KCNB2: variants seen among roughly 807,000 people sequenced by gnomAD.
KCNB2 encodes the protein delayed rectifier potassium channel protein.
A neutral mutation model predicts 61.5 loss-of-function variants in KCNB2; 15 were observed. The observed-to-expected ratio is 0.24, with a 90% CI of 0.16 to 0.38. The LOEUF is 0.38. Ranked by LOEUF, KCNB2 falls within the 10% of genes least tolerant of loss-of-function variation. The probability of loss-of-function intolerance (pLI) is 1.00; values close to 1 mark genes in which losing one functional copy is unlikely to be tolerated. For missense variants in KCNB2, 828 were observed against 1,125.2 expected (o/e 0.74, Z 3.78); for synonymous variants, 457 against 446.0 (o/e 1.02, Z -0.31).
Position 72,772,009 on chromosome 8 carries a change from T to G in KCNB2, c.580-163926T>G, listed in dbSNP as rs1443186452. Among the ~76,000 whole-genome samples, 2 of 151,250 alleles carry G rather than the reference T, an allele frequency of 1.3e-5. 1 individual carries two copies. The highest frequency in any genetic ancestry group is 4.9e-5 in the African/African-American group (2 of 41,088). ...CTCAGGACTTCAGTTGCTGAAGGAG[T>G]CAGGAAGAAAGCTAAGACCACAGTT... On this transcript the variant is annotated intron_variant, in intron 2 of 2. Coordinates refer to ENST00000523207, the MANE Select transcript of KCNB2 (RefSeq NM_004770.3).
intron 1 of KCNB2, among the ~76,000 whole-genome samples, chr8:72,559,762 T>C (rs1806484839): frequency 6.6e-6 from 1 of 152,148 alleles, no homozygotes; most frequent in Non-Finnish European, 1.5e-5. Flanking sequence ...GACATGGGGA[T>C]AGATTAAGAA....
At position 72,738,451 on chromosome 8, in the gene KCNB2, G is replaced by A. The variant is rs535868301; in HGVS notation, c.579+170138G>A. On this transcript the variant is annotated intron_variant, in intron 2 of 2. Transcript: ENST00000523207. The stretch of plus-strand genomic sequence containing the variant: ...ATTGTTTCCTGATGCTTAAAGGACT[G>A]TTGTCTAAGTTGTCTTCTAAGATAG... Among the ~76,000 whole-genome samples, 176 of 152,278 alleles carry A rather than the reference G, an allele frequency of 1.2e-3. 1 individual carries two copies. The highest frequency in any genetic ancestry group is 3.3e-3 in the South Asian group (16 of 4,822).
intron 2 of KCNB2, among the ~76,000 whole-genome samples, chr8:72,697,815 C>G (rs1343311044): frequency 6.6e-6 from 1 of 152,060 alleles, no homozygotes; most frequent in Non-Finnish European, 1.5e-5. Context: ...CAGTTTCTTT[C>G]AATAAATTCC....
At chr8:72,570,234 A>T (rs892591160) in intron 2 of KCNB2, among the ~76,000 whole-genome samples, 5 of 152,014 alleles carry the variant, frequency 3.3e-5, no homozygotes, top group Admixed American at 1.3e-4. Flanking sequence ...CTGCCTACAA[A>T]CTCTACCCAG....
intron 2 of KCNB2, chr8:72,661,345 T>C (rs1806377755): frequency 6.6e-6 from 1 of 152,202 alleles, no homozygotes; most frequent in South Asian, 2.1e-4. Flanking sequence ...GCCATATCAA[T>C]TGTTTTCTTC....
intron 2 of KCNB2, among the ~76,000 whole-genome samples, chr8:72,855,057 C>G (rs1810184845): frequency 6.6e-6 from 1 of 152,182 alleles, no homozygotes; most frequent in Non-Finnish European, 1.5e-5. Context: ...GCACTCTGTC[C>G]TCCACACACC....
chr8:72,549,217 C>T (rs958473770), intron 1 of KCNB2, among the ~76,000 whole-genome samples: 1 of 152,136 alleles, frequency 6.6e-6, no homozygotes, highest in African/African-American at 2.4e-5. Context: ...CTTCTATATC[C>T]CTTTCCTTGC....
intron 2 of KCNB2, among the ~76,000 whole-genome samples, chr8:72,676,768 C>T (rs1031366678): frequency 1.3e-5 from 2 of 152,038 alleles, no homozygotes; most frequent in African/African-American, 2.4e-5. Context: ...CCTTGTATTT[C>T]GTTGAGGAAA....
At chr8:72,646,974 T>A (rs1806138988) in intron 2 of KCNB2, among the ~76,000 whole-genome samples, 1 of 152,160 alleles carries the variant, frequency 6.6e-6, no homozygotes, top group Non-Finnish European at 1.5e-5. Context: ...AAAAAGAGGT[T>A]AAGTAACCTC....
Position 72,935,967 on chromosome 8 carries a change from G to A in KCNB2, c.612G>A (p.Val204=). ...ILAIVSILFI[V]LSTIALSLNT... ...CCATCGTGTCTATCCTGTTCATTGTGCTTTCCACCATTGCTTTGTCTCTCA... is the reference window on the plus strand; with the variant it reads ...CCATCGTGTCTATCCTGTTCATTGTACTTTCCACCATTGCTTTGTCTCTCA... Residue 204 remains valine, a synonymous_variant, in exon 3 of 3, where the codon GTG becomes GTA. Transcript: ENST00000523207. 6.2e-7 allele frequency: 1 copy of A among 1,614,078 alleles called. No homozygotes were observed. Among genetic ancestry groups the A allele is most frequent in the Non-Finnish European group, 8.5e-7 (1 of 1,179,970 alleles).
chr8:72,607,120 C>T (rs944925376), intron 2 of KCNB2, among the ~76,000 whole-genome samples: 3 of 152,100 alleles, frequency 2.0e-5, no homozygotes, highest in Non-Finnish European at 4.4e-5. Flanking sequence ...GCCGATGTCT[C>T]CTGGGTTCCG....
intron 2 of KCNB2, among the ~76,000 whole-genome samples, chr8:72,587,564 T>C (rs989187864): frequency 2.6e-5 from 4 of 151,938 alleles, no homozygotes; most frequent in African/African-American, 9.7e-5. Context: ...GTGGGCTGTA[T>C]AAGAAAAATA....
intron 2 of KCNB2, among the ~76,000 whole-genome samples, chr8:72,843,864 C>T (rs2129002801): frequency 6.6e-6 from 1 of 152,266 alleles, no homozygotes; most frequent in Non-Finnish European, 1.5e-5. Context: ...GAATACAGCA[C>T]ACCAATGGGT....
chr8:72,611,170 A>G (rs1377547718), intron 2 of KCNB2, among the ~76,000 whole-genome samples: 1 of 152,214 alleles, frequency 6.6e-6, no homozygotes, highest in African/African-American at 2.4e-5. Flanking sequence ...TTTAATCCTC[A>G]GAATGTTATT....
At chr8:72,902,780 C>CA (rs1306582508) in intron 2 of KCNB2, among the ~76,000 whole-genome samples, 1 of 152,208 alleles carries the variant, frequency 6.6e-6, no homozygotes, top group African/African-American at 2.4e-5. Context: ...GTATTACTGA[C>CA]TTGTTCTGTG....
chr8:72,920,463 ATCTATC>A (rs1806494907), intron 2 of KCNB2, among the ~76,000 whole-genome samples: 1 of 84,400 alleles, frequency 1.2e-5, no homozygotes, highest in Admixed American at 1.1e-4. Flanking sequence ...CTATCTATCT[ATCTATC>A]TATCTATATA....
chr8:72,558,955 C>A (rs1013502034), intron 1 of KCNB2, among the ~76,000 whole-genome samples: 1 of 151,720 alleles, frequency 6.6e-6, no homozygotes, highest in African/African-American at 2.4e-5. Context: ...TTCCCTGTTC[C>A]CTGTGGCAGA....
chr8:72,588,772 T>C (rs1368533039), intron 2 of KCNB2, among the ~76,000 whole-genome samples: 6 of 151,992 alleles, frequency 3.9e-5, no homozygotes, highest in South Asian at 4.1e-4. Flanking sequence ...TTAGCCAGGC[T>C]GTAGTCCTAG....
At chr8:72,573,816 A>G (rs956601237) in intron 2 of KCNB2, among the ~76,000 whole-genome samples, 6 of 152,222 alleles carry the variant, frequency 3.9e-5, no homozygotes, top group Non-Finnish European at 7.3e-5. Flanking sequence ...ACCTCTGTGT[A>G]CTACGCAGTA....
Sources: gnomAD v4.1 joint callset for allele counts (sites outside exome capture counted in the v4.1 genomes callset) on GRCh38, gnomAD v4.1.1 for gene constraint, MANE v1.5 for transcripts, NCBI Gene and HGNC (gene_info 2026-07-23, HGNC 2026-07-21) for gene names.